BCAR3: variants seen among roughly 807,000 people sequenced by gnomAD.
BCAR3 encodes the protein breast cancer anti-estrogen resistance protein 3.
BCAR3 carries 37 observed loss-of-function variants against 80.1 expected under a neutral mutation model. The observed-to-expected ratio is 0.46, with a 90% CI of 0.36 to 0.61. The LOEUF (loss-of-function observed/expected upper bound fraction) is 0.61. Among genes scored for constraint, BCAR3 ranks in the 20% least tolerant of loss-of-function variants. The probability of loss-of-function intolerance (pLI) is 0.00; values close to 1 mark genes in which losing one functional copy is unlikely to be tolerated. For synonymous variants in BCAR3, 389 were observed against 418.9 expected, an observed-to-expected ratio of 0.93 and a Z score of 0.87; for missense variants, 978 against 1,068.2, an observed-to-expected ratio of 0.92 and a Z score of 1.18.
chr1:93,768,062 C>T (rs1652217173), intron 2 of BCAR3, among the ~76,000 whole-genome samples: 1 of 152,118 alleles, frequency 6.6e-6, no homozygotes, highest in Non-Finnish European at 1.5e-5. Flanking sequence ...CAGGCTTTGC[C>T]GAGGTACACT....
chr1:93,736,382 T>A (rs1269911741), intron 2 of BCAR3, among the ~76,000 whole-genome samples: 1 of 152,048 alleles, frequency 6.6e-6, no homozygotes, highest in Non-Finnish European at 1.5e-5. Context: ...AGAAACGGGG[T>A]TTCATCATGT....
At position 93,567,841 on chromosome 1, in the gene BCAR3, A is replaced by T; in HGVS notation, c.1985T>A (p.Leu662Ter). 6.2e-7 allele frequency: 1 copy of T among 1,613,436 alleles called. No homozygotes were observed. Among genetic ancestry groups the T allele is most frequent in the Non-Finnish European group, 8.5e-7 (1 of 1,179,312 alleles). ...CCGCAGAGCAGTCCACGTCTTTTCT[A>T]ACCTTGTGATCTGGAAGAAAGGTGG... is the stretch of plus-strand genomic sequence containing the variant. ...KALEMPQITR[L>*]EKTWTALRHQ... Residue 662 changes from leucine (L) to a stop codon, truncating the protein, a stop_gained, in exon 10 of 12, where the codon TTA (leucine) becomes TAA (stop). Coordinates refer to ENST00000260502, the MANE Select transcript of BCAR3 (RefSeq NM_003567.4). LOFTEE classifies it high-confidence loss of function.
intron 2 of BCAR3, among the ~76,000 whole-genome samples, chr1:93,797,695 C>G (rs866859752): frequency 6.6e-6 from 1 of 151,852 alleles, no homozygotes; most frequent in East Asian, 1.9e-4. Flanking sequence ...AATCAGAAGA[C>G]TGGGCATGGT....
At chr1:93,797,554 A>G (rs1653321606) in intron 2 of BCAR3, among the ~76,000 whole-genome samples, 1 of 152,124 alleles carries the variant, frequency 6.6e-6, no homozygotes. Context: ...TCATGGGATA[A>G]TTGACATATT....
chr1:93,729,803 C>T (rs1650719345), intron 2 of BCAR3, among the ~76,000 whole-genome samples: 1 of 152,218 alleles, frequency 6.6e-6, no homozygotes, highest in South Asian at 2.1e-4. Context: ...GAAATGAGAG[C>T]CTCTGTCCTG....
chr1:93,649,143 A>G (rs1484951646), intron 2 of BCAR3, among the ~76,000 whole-genome samples: 4 of 152,364 alleles, frequency 2.6e-5, no homozygotes. Flanking sequence ...CTAAGGGAAG[A>G]CACAGATTGC....
chr1:93,635,297 TCCAG>T (rs1675745649), intron 3 of BCAR3, among the ~76,000 whole-genome samples: 2 of 151,846 alleles, frequency 1.3e-5, no homozygotes, highest in African/African-American at 4.9e-5. Flanking sequence ...ACTACTTTTT[TCCAG>T]TTGAAGGACT....
At chr1:93,649,607 C>G (rs1379651172) in intron 2 of BCAR3, among the ~76,000 whole-genome samples, 1 of 151,526 alleles carries the variant, frequency 6.6e-6, no homozygotes, top group Non-Finnish European at 1.5e-5. Context: ...ACAAATAAAT[C>G]TGGTAAAAAC....
rs528458490 is a variant in BCAR3, at chr1:93,676,220, C to T, written c.-11-1279G>A. ...CAGAGTCAGTTCTACAAAGGAACTG[C>T]GGACTTGGGACGTGGTTTGAAGACA... On this transcript the variant is annotated intron_variant, in intron 1 of 11. Transcript: ENST00000260502. 4.7e-4 allele frequency among the ~76,000 whole-genome samples: 71 copies of T among 152,252 alleles called. No individual in the cohort carries two copies. The South Asian group carries it at 7.5e-3, about 16-fold the overall frequency.
intron 3 of BCAR3, among the ~76,000 whole-genome samples, chr1:93,623,785 T>G (rs893161350): frequency 5.9e-5 from 9 of 152,320 alleles, no homozygotes; most frequent in African/African-American, 1.9e-4. Context: ...GATGGAGATG[T>G]AACATACTGT....
chr1:93,712,211 T>C (rs1650047686), intron 2 of BCAR3, among the ~76,000 whole-genome samples: 1 of 152,230 alleles, frequency 6.6e-6, no homozygotes, highest in African/African-American at 2.4e-5. Flanking sequence ...ATCAACTTGA[T>C]CATTGTCTGA....
At chr1:93,587,682 T>C (rs1673999348) in intron 5 of BCAR3, among the ~76,000 whole-genome samples, 2 of 148,242 alleles carry the variant, frequency 1.3e-5, no homozygotes, top group East Asian at 2.0e-4. Context: ...TTATGACATT[T>C]CCTCATGGAC....
intron 2 of BCAR3, among the ~76,000 whole-genome samples, chr1:93,799,591 T>C (rs1448751280): frequency 2.6e-5 from 4 of 152,224 alleles, no homozygotes; most frequent in African/African-American, 4.8e-5. Flanking sequence ...TTAAGCAATA[T>C]TGGAATTTTT....
chr1:93,775,932 C>T (rs1652530250), intron 2 of BCAR3, among the ~76,000 whole-genome samples: 1 of 152,182 alleles, frequency 6.6e-6, no homozygotes, highest in Non-Finnish European at 1.5e-5. Context: ...TTCTTTTTGA[C>T]TCTGTATGTA....
At chr1:93,836,341 C>T (rs573090840) in intron 2 of BCAR3, among the ~76,000 whole-genome samples, 1 of 152,190 alleles carries the variant, frequency 6.6e-6, no homozygotes, top group Non-Finnish European at 1.5e-5. Context: ...CATTAGATGT[C>T]CTGGGTCCTC....
chr1:93,641,230 T>TA (rs1675968060), intron 3 of BCAR3, among the ~76,000 whole-genome samples: 1 of 152,224 alleles, frequency 6.6e-6, no homozygotes, highest in Non-Finnish European at 1.5e-5. Context: ...CAAGTGGTTC[T>TA]ACTGGAGCTT....
intron 2 of BCAR3, among the ~76,000 whole-genome samples, chr1:93,671,003 T>C (rs911686408): frequency 5.3e-5 from 8 of 152,046 alleles, no homozygotes; most frequent in African/African-American, 1.7e-4. Flanking sequence ...TTATTATTAT[T>C]ATTTTTTGAA....
intron 3 of BCAR3, among the ~76,000 whole-genome samples, chr1:93,604,552 C>A (rs1416525220): frequency 6.6e-6 from 1 of 152,218 alleles, no homozygotes; most frequent in East Asian, 1.9e-4. Context: ...CTTAATCCTA[C>A]ATGACAAACT....
chr1:93,751,463 G>A (rs540986164), intron 2 of BCAR3, among the ~76,000 whole-genome samples: 2 of 152,178 alleles, frequency 1.3e-5, no homozygotes, highest in African/African-American at 2.4e-5. Flanking sequence ...TTTATACCTG[G>A]TACCAAGCTG....
Sources: gnomAD v4.1 joint callset for allele counts (sites outside exome capture counted in the v4.1 genomes callset) on GRCh38, gnomAD v4.1.1 for gene constraint, MANE v1.5 for transcripts, NCBI Gene and HGNC (gene_info 2026-07-23, HGNC 2026-07-21) for gene names.